The following IL1RAPL1 variants were observed in gnomAD, a reference collection of about 807,000 sequenced individuals.
IL1RAPL1 encodes interleukin-1 receptor accessory protein-like 1.
A neutral mutation model predicts 48.4 loss-of-function variants in IL1RAPL1; 3 were observed. The ratio of observed to expected loss-of-function variants is 0.06; its 90% CI spans 0.03 to 0.16. IL1RAPL1 has a LOEUF of 0.16. IL1RAPL1 is among the 10% of genes least tolerant of loss of function. The probability of loss-of-function intolerance (pLI) is 1.00; values close to 1 mark genes in which losing one functional copy is unlikely to be tolerated. For missense variants in IL1RAPL1, 349 were observed against 530.6 expected (o/e 0.66, Z 3.36); for synonymous variants, 185 against 187.7 (o/e 0.99, Z 0.12).
At chrX:28,946,840 C>T (rs1297775411) in intron 2 of IL1RAPL1, among the ~76,000 whole-genome samples, 1 of 111,618 alleles carries the variant, frequency 9.0e-6, no homozygotes. Flanking sequence ...TAATAAAAAG[C>T]ACAGTGCTAT....
intron 1 of IL1RAPL1, among the ~76,000 whole-genome samples, chrX:28,619,137 C>T (rs1304323024): frequency 1.8e-5 from 2 of 112,108 alleles, no homozygotes; most frequent in African/African-American, 3.2e-5. Context: ...AAGTTATTTA[C>T]ATTAATCTTT....
chrX:28,775,141 T>A (rs1304410102), intron 1 of IL1RAPL1, among the ~76,000 whole-genome samples: 1 of 112,153 alleles, frequency 8.9e-6, no homozygotes, highest in Non-Finnish European at 1.9e-5. Context: ...ATGTATATTA[T>A]CTTATTAGTA....
chrX:28,757,963 A>G (rs189717298), intron 1 of IL1RAPL1, among the ~76,000 whole-genome samples: 1 of 112,493 alleles, frequency 8.9e-6, no homozygotes, highest in African/African-American at 3.2e-5. Context: ...ATAAGGTGAA[A>G]GCATGTAAAG....
intron 5 of IL1RAPL1, among the ~76,000 whole-genome samples, chrX:29,634,638 G>A (rs1198459915): frequency 9.0e-6 from 1 of 111,077 alleles, no homozygotes; most frequent in Non-Finnish European, 1.9e-5. Flanking sequence ...TGATGGTGGT[G>A]GTGGCAGGGG....
intron 2 of IL1RAPL1, among the ~76,000 whole-genome samples, chrX:29,088,174 T>G (rs1927996134): frequency 8.9e-6 from 1 of 112,393 alleles, no homozygotes; most frequent in South Asian, 3.7e-4. Flanking sequence ...ACTCACTATT[T>G]TAACCCATAT....
chrX:28,852,439 T>C (rs6630777), intron 2 of IL1RAPL1, among the ~76,000 whole-genome samples: 42,768 of 109,045 alleles, frequency 0.39, 6,362 homozygotes, highest in East Asian at 0.54. Context: ...GTACTGTCTA[T>C]GTATTGTCTC....
intron 9 of IL1RAPL1, among the ~76,000 whole-genome samples, chrX:29,944,774 C>T (rs1317037511): frequency 1.8e-5 from 2 of 111,345 alleles, no homozygotes; most frequent in Admixed American, 1.9e-4. Context: ...ACTTGAGATA[C>T]TACCACCTGG....
intron 2 of IL1RAPL1, among the ~76,000 whole-genome samples, chrX:29,179,082 C>A (rs916943596): frequency 4.5e-5 from 5 of 111,452 alleles, no homozygotes; most frequent in African/African-American, 1.6e-4. Flanking sequence ...AATGCTGGCT[C>A]TTTTTTGGTT....
chrX:29,177,289 TGAA>T (rs1035932430), intron 2 of IL1RAPL1, among the ~76,000 whole-genome samples: 27 of 112,206 alleles, frequency 2.4e-4, no homozygotes, highest in African/African-American at 8.7e-4. Context: ...TGGCTCATTT[TGAA>T]GATGTATTGA....
chrX:29,211,006 G>A (rs1930758744), intron 2 of IL1RAPL1, among the ~76,000 whole-genome samples: 1 of 111,485 alleles, frequency 9.0e-6, no homozygotes, highest in Non-Finnish European at 1.9e-5. Flanking sequence ...AAAACGGAGA[G>A]TGACAGATTA....
intron 2 of IL1RAPL1, among the ~76,000 whole-genome samples, chrX:29,277,603 CCAA>C (rs986180580): frequency 1.8e-5 from 2 of 111,823 alleles, no homozygotes; most frequent in Non-Finnish European, 3.8e-5. Context: ...GTTTGTTTCT[CCAA>C]CAACAAGAGT....
At chrX:29,658,999 T>C (rs1925765662) in intron 5 of IL1RAPL1, among the ~76,000 whole-genome samples, 1 of 111,866 alleles carries the variant, frequency 8.9e-6, no homozygotes, top group Admixed American at 9.5e-5. Flanking sequence ...TTCATTGCAA[T>C]CCCTATCAAA....
chrX:29,607,851 G>A (rs930573084), intron 5 of IL1RAPL1, among the ~76,000 whole-genome samples: 12 of 111,836 alleles, frequency 1.1e-4, no homozygotes, highest in African/African-American at 3.9e-4. Flanking sequence ...GCATGTATGA[G>A]TGGATAGCGT....
chrX:28,815,653 C>A (rs1446055241), intron 2 of IL1RAPL1, among the ~76,000 whole-genome samples: 1 of 103,636 alleles, frequency 9.6e-6, no homozygotes. Flanking sequence ...AATCTACCCT[C>A]TATCTTCATG....
chrX:29,108,739 C>T (rs772506071), intron 2 of IL1RAPL1, among the ~76,000 whole-genome samples: 9 of 111,241 alleles, frequency 8.1e-5, no homozygotes, highest in East Asian at 2.8e-4. Flanking sequence ...ATTTAGTATA[C>T]GTCTTTGAGT....
At chrX:29,313,253 CTGTGTG>C (rs35894909) in intron 3 of IL1RAPL1, among the ~76,000 whole-genome samples, 7 of 90,800 alleles carry the variant, frequency 7.7e-5, no homozygotes, top group Middle Eastern at 5.6e-3. Context: ...ACATACAAGC[CTGTGTG>C]TGTGTGTGTG....
rs767300907 is a variant in IL1RAPL1, at chrX:29,459,066, G to A, written c.703+59758G>A. On this transcript the variant is annotated intron_variant, in intron 5 of 10. Coordinates refer to ENST00000378993, the MANE Select transcript of IL1RAPL1 (RefSeq NM_014271.4). ...AGATTTGGCGTGTGGTCCATAGTTT[G>A]CCAAACACTATCTAGACAACATAAA... 8.1e-5 allele frequency among the ~76,000 whole-genome samples: 9 copies of A among 111,763 alleles called. No individual in the cohort carries two copies. The South Asian group carries it at 3.4e-3, about 42-fold the overall frequency.
At chrX:28,636,915 T>C (rs1294125827) in intron 1 of IL1RAPL1, among the ~76,000 whole-genome samples, 1 of 111,656 alleles carries the variant, frequency 9.0e-6, no homozygotes, top group Non-Finnish European at 1.9e-5. Flanking sequence ...TCAGAGGTTT[T>C]TTTAAATAAG....
At chrX:29,747,753 A>G (rs900052090) in intron 6 of IL1RAPL1, among the ~76,000 whole-genome samples, 7 of 112,780 alleles carry the variant, frequency 6.2e-5, no homozygotes, top group Non-Finnish European at 1.1e-4. Flanking sequence ...AAAATAGCAA[A>G]TTAAATTAAT....
Sources: allele counts gnomAD v4.1 joint callset (sites outside exome capture counted in the v4.1 genomes callset), GRCh38; gene constraint gnomAD v4.1.1; transcripts MANE v1.5; gene names NCBI Gene and HGNC (gene_info 2026-07-23, HGNC 2026-07-21).